The following PPP1R12B variants were observed in gnomAD, a reference collection of about 807,000 sequenced individuals.
The protein encoded by PPP1R12B is myosin phosphatase target subunit 2.
A neutral mutation model predicts 126.1 loss-of-function variants in PPP1R12B; 76 were observed. The observed-to-expected ratio is 0.60, with a 90% CI of 0.50 to 0.73. The LOEUF is 0.73. PPP1R12B is among the 30% of genes least tolerant of loss of function. The pLI, the probability that PPP1R12B is intolerant of heterozygous loss-of-function variation, is 0.00. For synonymous variants in PPP1R12B, 356 were observed against 434.7 expected, an observed-to-expected ratio of 0.82 and a Z score of 2.25; for missense variants, 1,052 against 1,205.1, an observed-to-expected ratio of 0.87 and a Z score of 1.88.
chr1:202,394,312 GA>G (rs945803009), intron 1 of PPP1R12B, among the ~76,000 whole-genome samples: 15 of 148,376 alleles, frequency 1.0e-4, no homozygotes, highest in African/African-American at 3.7e-4. Flanking sequence ...CTCAAAAAAA[GA>G]AAAAAAAAAT....
chr1:202,573,085 T>A (rs1372348663), intron 23 of PPP1R12B, among the ~76,000 whole-genome samples: 2 of 152,218 alleles, frequency 1.3e-5, no homozygotes, highest in Non-Finnish European at 2.9e-5. Flanking sequence ...TGATAATGAT[T>A]ATGTTGAAAG....
chr1:202,583,521 C>A lies in PPP1R12B; in HGVS notation c.*2961C>A, dbSNP rs902222573. On this transcript the variant is annotated 3_prime_UTR_variant, in exon 24 of 24. Coordinates refer to ENST00000608999, the MANE Select transcript of PPP1R12B (RefSeq NM_002481.4). ...TATCCTAGGTAATTTCAGGTACTTT[C>A]TCTTATGCAATTAATTTTATTAACT... 1 of 152,166 alleles carries A rather than the reference C, an allele frequency of 6.6e-6. No individual in the cohort carries two copies. The highest frequency in any genetic ancestry group is 2.1e-4 in the South Asian group (1 of 4,830). The allele number at this position is 152,166 out of a possible 1,614,324, so 9.4% of individuals were successfully genotyped here.
chr1:202,474,557 C>G (rs1474998787), intron 13 of PPP1R12B, among the ~76,000 whole-genome samples: 1 of 152,172 alleles, frequency 6.6e-6, no homozygotes, highest in Non-Finnish European at 1.5e-5. Context: ...GAATTATAGG[C>G]ATGAGCCACC....
At chr1:202,484,591 T>C (rs1255014412) in intron 13 of PPP1R12B, among the ~76,000 whole-genome samples, 1 of 152,366 alleles carries the variant, frequency 6.6e-6, no homozygotes, top group South Asian at 2.1e-4. Context: ...TTTTATACTT[T>C]TACATCTTTT....
intron 13 of PPP1R12B, among the ~76,000 whole-genome samples, chr1:202,455,065 A>G (rs1464535097): frequency 2.6e-5 from 4 of 152,188 alleles, no homozygotes; most frequent in Admixed American, 2.6e-4. Context: ...AGATCTGGCA[A>G]TTGAAAAGAT....
chr1:202,368,828 C>A (rs943931889), intron 1 of PPP1R12B, among the ~76,000 whole-genome samples: 2 of 152,116 alleles, frequency 1.3e-5, no homozygotes, highest in African/African-American at 4.8e-5. Flanking sequence ...GACTCCTGGG[C>A]CCAAGCCATC....
At chr1:202,446,252 A>T (rs2362279) in intron 12 of PPP1R12B, among the ~76,000 whole-genome samples, 1,456 of 57,120 alleles carry the variant, frequency 0.025, 51 homozygotes, top group African/African-American at 0.11. Flanking sequence ...ATATATATAT[A>T]TATATTTTTT....
At position 202,575,005 on chromosome 1, in the gene PPP1R12B, C is replaced by G. The variant is rs1233584925; in HGVS notation, c.2863-5469C>G. The stretch of plus-strand genomic sequence containing the variant: ...TTTCATGTCTCAATCTCTACAGAAC[C>G]TCCACCAGCTAAAACAGATTCAAAC... On this transcript the variant is annotated intron_variant, in intron 23 of 23. Transcript: ENST00000608999. 10 of 1,608,942 alleles carry G rather than the reference C, an allele frequency of 6.2e-6. No individual in the cohort carries two copies. In the Admixed American group the frequency reaches 1.5e-4, roughly 24 times the overall value.
At chr1:202,525,049 T>C (rs1176233377) in intron 18 of PPP1R12B, among the ~76,000 whole-genome samples, 1 of 152,108 alleles carries the variant, frequency 6.6e-6, no homozygotes, top group Non-Finnish European at 1.5e-5. Context: ...CGGCTAATTT[T>C]TGTATTTTTA....
chr1:202,414,430 G>A (rs557816391), intron 1 of PPP1R12B, among the ~76,000 whole-genome samples: 2 of 152,282 alleles, frequency 1.3e-5, no homozygotes, highest in South Asian at 4.1e-4. Context: ...GGAAAATATA[G>A]GTTGATTGAG....
intron 1 of PPP1R12B, among the ~76,000 whole-genome samples, chr1:202,413,815 C>G (rs1178393662): frequency 6.6e-6 from 1 of 152,114 alleles, no homozygotes; most frequent in African/African-American, 2.4e-5. Context: ...TATATAAAAT[C>G]TGGCCTCTCA....
chr1:202,538,666 G>A (rs1348881724), intron 18 of PPP1R12B, among the ~76,000 whole-genome samples: 1 of 152,238 alleles, frequency 6.6e-6, no homozygotes, highest in African/African-American at 2.4e-5. Context: ...GGATAAACCC[G>A]TTGGCTTAGA....
rs375188362 is a variant in PPP1R12B at position 202,437,975 on chromosome 1, G to A, written c.1409G>A (p.Arg470His). 1.2e-4 allele frequency: 197 copies of A among 1,613,818 alleles called. No homozygotes were observed. In the African/African-American group the frequency reaches 1.7e-3, roughly 14 times the overall value. Residue 470 changes from arginine to histidine, a missense_variant, in exon 10 of 24, where the codon CGC becomes CAC. Transcript: ENST00000608999. Reference sequence around the variant, plus strand: ...AGGGACCGAGGCTCTTCCATCTATCGCTCCTCTTCAAGCCCTCGGATTTCT... The same window carrying A: ...AGGGACCGAGGCTCTTCCATCTATCACTCCTCTTCAAGCCCTCGGATTTCT... ...PIRDRGSSIY[R>H]SSSSPRISAL...
intron 18 of PPP1R12B, among the ~76,000 whole-genome samples, chr1:202,536,753 A>G (rs1684569290): frequency 6.6e-6 from 1 of 152,094 alleles, no homozygotes; most frequent in Non-Finnish European, 1.5e-5. Context: ...TATATTCTTA[A>G]TCTATAAGCT....
At chr1:202,408,080 A>T (rs1015111261) in intron 1 of PPP1R12B, among the ~76,000 whole-genome samples, 2 of 152,128 alleles carry the variant, frequency 1.3e-5, no homozygotes, top group Non-Finnish European at 2.9e-5. Context: ...AAGGAACTTG[A>T]CCCTCAGTGG....
chr1:202,367,145 C>T (rs1387317644), intron 1 of PPP1R12B, among the ~76,000 whole-genome samples: 1 of 152,080 alleles, frequency 6.6e-6, no homozygotes, highest in Non-Finnish European at 1.5e-5. Context: ...ACTTATAAGC[C>T]ATTTTAGAAC....
At chr1:202,435,113 A>G (rs1478083219) in intron 9 of PPP1R12B, among the ~76,000 whole-genome samples, 1 of 152,138 alleles carries the variant, frequency 6.6e-6, no homozygotes, top group African/African-American at 2.4e-5. Flanking sequence ...AACCAGCCCT[A>G]TCAGATTAGG....
Position 202,569,153 on chromosome 1 carries a change from C to T in PPP1R12B, c.2818C>T (p.Arg940Ter), listed in dbSNP as rs771519753. ...TCTCATTGTTCCGAAACAGGAGAGG[C>T]GAGCCTTGGAGCGCAAAATGTCAGA... ...SVLEMEKRER[R>*]ALERKMSEME... Residue 940 changes from arginine (R) to a stop codon, truncating the protein, a stop_gained, in exon 23 of 24, where the codon CGA becomes TGA. Transcript: ENST00000608999. LOFTEE classifies it high-confidence loss of function. The T allele has an allele frequency of 1.1e-5, 17 of 1,613,324 alleles. No individual in the cohort carries two copies. Among genetic ancestry groups the T allele is most frequent in the Non-Finnish European group, 1.2e-5 (14 of 1,179,402 alleles).
intron 21 of PPP1R12B, chr1:202,567,380 C>CTTTTTTTTTTTTTTT (rs35011066): frequency 6.8e-6 from 1 of 147,814 alleles, no homozygotes; most frequent in African/African-American, 2.6e-5. Context: ...AAAGAAAAGC[C>CTTTTTTTTTTTTTTT]TTTTTTTTTT....
Sources: allele counts gnomAD v4.1 joint callset (sites outside exome capture counted in the v4.1 genomes callset), GRCh38; gene constraint gnomAD v4.1.1; transcripts MANE v1.5; gene names NCBI Gene and HGNC (gene_info 2026-07-23, HGNC 2026-07-21).